The following OBSL1 variants were observed in gnomAD, a reference collection of about 807,000 sequenced individuals.
OBSL1 encodes obscurin like cytoskeletal adaptor 1, also known as obscurin-like protein 1.
Under a neutral mutation model 172.0 loss-of-function variants are expected in OBSL1, and 160 were observed. The ratio of observed to expected loss-of-function variants is 0.93; its 90% confidence interval spans 0.82 to 1.06. The LOEUF (loss-of-function observed/expected upper bound fraction) is 1.06, where lower values mean the gene tolerates loss of function less well. Among genes scored for constraint, OBSL1 ranks in the 50% least tolerant of loss-of-function variants. The pLI is 0.00. For missense variants in OBSL1, 2,681 were observed against 2,715.4 expected, an observed-to-expected ratio of 0.99 and a Z score of 0.28; for synonymous variants, 1,200 against 1,196.3, an observed-to-expected ratio of 1.00 and a Z score of -0.06.
chr2:219,551,806 T>C lies in OBSL1; in HGVS notation c.5414-8A>G. The stretch of plus-strand genomic sequence containing the variant: ...ACATCTGGAGAGGCAATGCTGGGGG[T>C]AGGGGGCGGGGGCTTAAGTTAATAG... On this transcript the variant is annotated splice_polypyrimidine_tract_variant and splice_region_variant and intron_variant, in intron 19 of 20. Transcript: ENST00000404537. 1 of 1,541,418 alleles carries C rather than the reference T, an allele frequency of 6.5e-7. No individual in the cohort carries two copies. Among genetic ancestry groups the C allele is most frequent in the South Asian group, 1.2e-5 (1 of 84,770 alleles).
Position 219,557,842 on chromosome 2 carries a change from G to T in OBSL1, c.3771C>A (p.Ser1257Arg). The T allele has an allele frequency of 6.3e-7, 1 of 1,599,268 alleles. No individual in the cohort carries two copies. Residue 1257 changes from serine (S) to arginine (R), a missense_variant, in exon 11 of 21, where the codon AGC becomes AGA. Ser to Arg is a moderately radical substitution (Grantham distance 110, BLOSUM62 -1). Coordinates refer to ENST00000404537, the MANE Select transcript of OBSL1 (RefSeq NM_015311.3). ...SGAAPGAPSL[S>R]FTVQVAEPPV... ...ACTCACCAGCCACCTGGACGGTGAA[G>T]CTGAGGCTTGGGGCTCCGGGGGCTG...
Position 219,554,631 on chromosome 2 carries a change from G to C in OBSL1, c.4719C>G (p.Ala1573=). 6.2e-7 allele frequency: 1 copy of C among 1,611,866 alleles called. No individual in the cohort carries two copies. The highest frequency in any genetic ancestry group is 8.5e-7 in the Non-Finnish European group (1 of 1,179,080). Residue 1573 remains alanine, a synonymous_variant, in exon 15 of 21, where the codon GCC becomes GCG. Coordinates refer to ENST00000404537, the MANE Select transcript of OBSL1 (RefSeq NM_015311.3). Reference sequence around the variant, plus strand: ...CTGGATACAGCTGTACTCCACCCCGGGCCCACTCCCCGGTCACACCTTCCT... The same window carrying C: ...CTGGATACAGCTGTACTCCACCCCGCGCCCACTCCCCGGTCACACCTTCCT... The part of the protein sequence containing the change: ...LSQEGVTGEW[A]RGGVQLYPGP...
At chr2:219,554,243 T>G in intron 15 of OBSL1, 1 of 582,248 alleles carries the variant, frequency 1.7e-6, no homozygotes, top group Non-Finnish European at 3.0e-6. Context: ...GGTAGCAGAG[T>G]CAGTGGTTGG....
chr2:219,567,773 G>A lies in OBSL1; in HGVS notation c.1479C>T (p.Gly493=), dbSNP rs778142809. Residue 493 remains glycine, a synonymous_variant, in exon 3 of 21, where the codon GGC becomes GGT. Transcript: ENST00000404537. ...AGTTGCCCAGGCTAAAGGTGACCTC[G>A]CCAGCATCCTCTCGGGTGACCCCTG... ...VLPGVTREDA[G]EVTFSLGNSR... 28 of 1,613,696 alleles carry A rather than the reference G, an allele frequency of 1.7e-5. No individual in the cohort carries two copies. The highest frequency in any genetic ancestry group is 4.4e-5 in the South Asian group (4 of 91,080).
At chr2:219,554,385 G>T in intron 15 of OBSL1, 89 bp downstream of exon 15, 1 of 1,453,102 alleles carries the variant, frequency 6.9e-7, no homozygotes, top group Non-Finnish European at 9.5e-7. Flanking sequence ...TGGTCAGTGG[G>T]GGTCACACGA....
chr2:219,562,927 A>C, intron 7 of OBSL1: 1 of 553,106 alleles, frequency 1.8e-6, no homozygotes, highest in Non-Finnish European at 3.2e-6. Flanking sequence ...GGCTGTAGAA[A>C]CGCTCCACAT....
Position 219,558,244 on chromosome 2 carries a change from C to T in OBSL1, c.3442G>A (p.Ala1148Thr), listed in dbSNP as rs1273861126. The T allele has an allele frequency of 3.1e-6, 5 of 1,610,458 alleles. No individual in the cohort carries two copies. The highest frequency in any genetic ancestry group is 1.3e-5 in the African/African-American group (1 of 75,022). ...LTLPHAQPED[A>T]GEYVCETRHE... ...CGGGTCTCACACACATACTCCCCGG[C>T]GTCCTCAGGCTGGGCGTGGGGCAGG... Residue 1148 changes from alanine (A) to threonine (T), a missense_variant, in exon 10 of 21, where the codon GCC becomes ACC. Coordinates refer to ENST00000404537, the MANE Select transcript of OBSL1 (RefSeq NM_015311.3).
In OBSL1 at chr2:219,570,365, G is replaced by C. The variant is rs1370631114; in HGVS notation, c.868C>G (p.Arg290Gly). ...HWEGRPLLPD[R>G]RRLMYRDRDG... Reference sequence around the variant, plus strand: ...CGGTCGCGGTACATGAGGCGGCGGCGGTCCGGGAGCAGCGGGCGGCCCTCC... The same window carrying C: ...CGGTCGCGGTACATGAGGCGGCGGCCGTCCGGGAGCAGCGGGCGGCCCTCC... The change falls in exon 1 of 21, where the codon CGC becomes GGC. Residue 290 changes from arginine (R) to glycine (G), a missense_variant. Physicochemically the swap from Arg to Gly is moderately radical, Grantham distance 125 (BLOSUM62 -2). Coordinates refer to ENST00000404537, the MANE Select transcript of OBSL1 (RefSeq NM_015311.3). 2 of 1,612,808 alleles carry C rather than the reference G, an allele frequency of 1.2e-6. No homozygotes were observed. The highest frequency in any genetic ancestry group is 1.7e-5 in the Admixed American group (1 of 59,970).
rs1444680770 is a variant in OBSL1, at chr2:219,565,122, G to A, written c.2407+120C>T. The A allele has an allele frequency of 3.9e-6, 4 of 1,025,870 alleles. No homozygotes were observed. The African/African-American group carries it at 6.5e-5, about 17-fold the overall frequency. 63.5% of individuals were successfully genotyped at this position (1,025,870 alleles called of 1,614,324 possible). A position where few individuals can be genotyped will look rare whatever the true frequency, so the allele number is the denominator to read the frequency against. ...CAGAGTTATCTGAAACATGTCCCCTGGGCCACTGGACTCTCCCTGTAAAGG... is the reference window on the plus strand; with the variant it reads ...CAGAGTTATCTGAAACATGTCCCCTAGGCCACTGGACTCTCCCTGTAAAGG... On this transcript the variant is annotated intron_variant, in intron 6 of 20. Transcript: ENST00000404537.
chr2:219,556,906 G>T, intron 12 of OBSL1, 183 bp from the exon 13 acceptor site: 1 of 661,104 alleles, frequency 1.5e-6, no homozygotes, highest in Non-Finnish European at 2.5e-6. Flanking sequence ...ACTCCTTTTA[G>T]TCAGTTCCTC....
Position 219,552,999 on chromosome 2 carries a change from G to C in OBSL1, c.5015C>G (p.Pro1672Arg), listed in dbSNP as rs769394823. The part of the protein sequence containing the change: ...EKDGNALTPS[P>R]RLRLQALGTR... Reference sequence around the variant, plus strand: ...GCCGAGGGCCTGGAGCCGGAGCCGCGGGCTAGGCGTAAGCGCGTTCCCGTC... The same window carrying C: ...GCCGAGGGCCTGGAGCCGGAGCCGCCGGCTAGGCGTAAGCGCGTTCCCGTC... Residue 1672 changes from proline to arginine, a missense_variant, in exon 17 of 21, where the codon CCG (proline) becomes CGG (arginine). Around this residue, in one of 5 missense-constraint regions of OBSL1, gnomAD observed 1,765 missense variants for 1,748.3 expected, o/e 1.01. Coordinates refer to ENST00000404537, the MANE Select transcript of OBSL1 (RefSeq NM_015311.3). 2 of 1,524,104 alleles carry C rather than the reference G, an allele frequency of 1.3e-6. No homozygotes were observed. The highest frequency in any genetic ancestry group is 1.8e-6 in the Non-Finnish European group (2 of 1,141,132). The allele number at this position is 1,524,104 out of a possible 1,614,324, so 94.4% of individuals were successfully genotyped here.
chr2:219,570,318 C>T lies in OBSL1; in HGVS notation c.915G>A (p.Lys305=), dbSNP rs370638390. ...YRDRDGGFVL[K]VLYCQAKDRG... The stretch of plus-strand genomic sequence containing the variant: ...GATCCTTGGCCTGGCAGTAAAGCAC[C>T]TTGAGCACGAAGCCGCCGTCGCGGT... Residue 305 remains lysine, a synonymous_variant, in exon 1 of 21, where the codon AAG becomes AAA. Transcript: ENST00000404537. 3 of 1,612,052 alleles carry T rather than the reference C, an allele frequency of 1.9e-6. No homozygotes were observed. Among genetic ancestry groups the T allele is most frequent in the Non-Finnish European group, 1.7e-6 (2 of 1,178,950 alleles).
At chr2:219,553,988 G>A (rs887706278) in intron 15 of OBSL1, among the ~76,000 whole-genome samples, 1 of 152,070 alleles carries the variant, frequency 6.6e-6, no homozygotes, top group Middle Eastern at 3.4e-3. Flanking sequence ...TGCCAGTGGA[G>A]TGGTCAGTGG....
At position 219,558,364 on chromosome 2, in the gene OBSL1, C is replaced by T; in HGVS notation, c.3322G>A (p.Ala1108Thr). 6.2e-7 allele frequency: 1 copy of T among 1,611,862 alleles called. No homozygotes were observed. The change falls in exon 10 of 21, where the codon GCT becomes ACT. Residue 1108 changes from alanine (A) to threonine (T), a missense_variant. Ala to Thr is a moderately conservative substitution (Grantham distance 58, BLOSUM62 0). Around this residue, in one of 5 missense-constraint regions of OBSL1, gnomAD observed 1,765 missense variants for 1,748.3 expected, o/e 1.01. Coordinates refer to ENST00000404537, the MANE Select transcript of OBSL1 (RefSeq NM_015311.3). The part of the protein sequence containing the change: ...RVELRCEVAP[A>T]GSQVRWYKDG... ...TTGTACCAGCGCACCTGAGACCCAG[C>T]TGGGGCCACCTCACAGCGCAGCTCC...
intron 8 of OBSL1, among the ~76,000 whole-genome samples, 166 bp downstream of exon 8, chr2:219,562,236 G>C (rs1696532220): frequency 6.6e-6 from 1 of 152,164 alleles, no homozygotes; most frequent in Non-Finnish European, 1.5e-5. Flanking sequence ...GGAGGGGCTT[G>C]TTTCCTTGAA....
chr2:219,549,174 A>G (rs775278488), downstream of OBSL1: 34 of 1,613,838 alleles, frequency 2.1e-5, no homozygotes, highest in Middle Eastern at 6.6e-4. Flanking sequence ...GGCAGCGCCG[A>G]CGCGTGCAAC....
At chr2:219,551,059 G>C in intron 20 of OBSL1, 1 of 1,429,360 alleles carries the variant, frequency 7.0e-7, no homozygotes, top group South Asian at 1.5e-5. Flanking sequence ...TGGGATTTGG[G>C]ATAGAAGGTG....
chr2:219,547,648 G>A (rs201834604), downstream of OBSL1: 28 of 1,529,350 alleles, frequency 1.8e-5, no homozygotes, highest in Non-Finnish European at 2.4e-5. Context: ...TGGGCATCGG[G>A]CTGCTCTGCG....
At position 219,552,886 on chromosome 2, in the gene OBSL1, C is replaced by A. The variant is rs1695739152; in HGVS notation, c.5128G>T (p.Val1710Phe). ...TACCCACCGCGCACGGTCAGGCGGA[C>A]CGGTCCGGCGCGGGCCGTCCCCACC... ...CAVGTARAGP[V>F]RLTVRERTVA... The change falls in exon 17 of 21, where the codon GTC (valine) becomes TTC (phenylalanine). Residue 1710 changes from valine to phenylalanine, a missense_variant. This residue lies in a region of OBSL1 where 1,765 missense variants were observed against 1,748.3 expected (regional missense o/e 1.01). Transcript: ENST00000404537. 1 of 1,541,784 alleles carries A rather than the reference C, an allele frequency of 6.5e-7. No individual in the cohort carries two copies. The highest frequency in any genetic ancestry group is 8.7e-7 in the Non-Finnish European group (1 of 1,145,374).
Sources: gnomAD v4.1 joint callset for allele counts (sites outside exome capture counted in the v4.1 genomes callset) on GRCh38, gnomAD v4.1.1 for gene constraint, gnomAD v4.1.1 regional missense constraint, MANE v1.5 for transcripts, NCBI Gene and HGNC (gene_info 2026-07-23, HGNC 2026-07-21) for gene names.